The following COX10 variants were observed in gnomAD, a reference collection of about 807,000 sequenced individuals.
The protein encoded by COX10 is protoheme IX farnesyltransferase, mitochondrial.
A neutral mutation model predicts 37.3 loss-of-function variants in COX10; 27 were observed. That is an observed-to-expected ratio of 0.72 (90% CI 0.53 to 1.00). The LOEUF is 1.00. COX10 is among the 50% of genes least tolerant of loss of function. The probability of loss-of-function intolerance (pLI) is 0.00; values close to 1 mark genes in which losing one functional copy is unlikely to be tolerated. For synonymous variants in COX10, 222 were observed against 229.1 expected, an observed-to-expected ratio of 0.97 and a Z score of 0.28; for missense variants, 475 against 563.2, an observed-to-expected ratio of 0.84 and a Z score of 1.59.
intron 4 of COX10, among the ~76,000 whole-genome samples, chr17:14,138,382 T>C (rs2142223999): frequency 6.6e-6 from 1 of 152,336 alleles, no homozygotes; most frequent in African/African-American, 2.4e-5. Context: ...TCTGGTACAT[T>C]ATAAGCAATT....
chr17:14,124,438 C>G (rs1916292498), intron 4 of COX10, among the ~76,000 whole-genome samples: 1 of 152,114 alleles, frequency 6.6e-6, no homozygotes, highest in Non-Finnish European at 1.5e-5. Context: ...ATCAAATTCT[C>G]TAGGACAACT....
chr17:14,202,484 A>G (rs755905998), intron 6 of COX10, among the ~76,000 whole-genome samples: 1 of 152,136 alleles, frequency 6.6e-6, no homozygotes, highest in African/African-American at 2.4e-5. Flanking sequence ...GCTGAATATC[A>G]TCAGGCAAAT....
At chr17:14,089,979 G>C (rs1355445457) in intron 3 of COX10, among the ~76,000 whole-genome samples, 1 of 152,028 alleles carries the variant, frequency 6.6e-6, no homozygotes, top group Non-Finnish European at 1.5e-5. Flanking sequence ...GGAGACCTCT[G>C]CAACTTACAG....
intron 3 of COX10, among the ~76,000 whole-genome samples, chr17:14,087,881 C>T (rs778733631): frequency 1.3e-5 from 2 of 151,976 alleles, no homozygotes; most frequent in Non-Finnish European, 2.9e-5. Context: ...GGGTGGCTTG[C>T]TACACTGTGT....
chr17:14,131,267 G>A (rs920583482), intron 4 of COX10, among the ~76,000 whole-genome samples: 1 of 151,982 alleles, frequency 6.6e-6, no homozygotes, highest in African/African-American at 2.4e-5. Context: ...AAATATATTT[G>A]GATGCATTCA....
At chr17:14,080,352 C>G (rs1915263844) in intron 3 of COX10, among the ~76,000 whole-genome samples, 1 of 151,500 alleles carries the variant, frequency 6.6e-6, no homozygotes, top group South Asian at 2.1e-4. Flanking sequence ...TAGCTGGGAC[C>G]ACAGGCACCT....
intron 5 of COX10, chr17:14,179,246 A>G (rs933706266): frequency 1.3e-5 from 13 of 982,294 alleles, no homozygotes; most frequent in Non-Finnish European, 1.6e-5. Flanking sequence ...ACCATCTCTT[A>G]TCAAACCTGA....
At chr17:14,166,454 T>C (rs1052833751) in intron 5 of COX10, among the ~76,000 whole-genome samples, 1 of 152,194 alleles carries the variant, frequency 6.6e-6, no homozygotes, top group African/African-American at 2.4e-5. Context: ...TGAAACCTGT[T>C]GCTCAGAGGA....
At chr17:14,071,761 G>A (rs940002189) in intron 1 of COX10, among the ~76,000 whole-genome samples, 5 of 149,320 alleles carry the variant, frequency 3.3e-5, no homozygotes, top group South Asian at 4.3e-4. Flanking sequence ...TTAGCCAAGC[G>A]CAATGGTGTG....
chr17:14,166,353 T>C (rs1330239351), intron 5 of COX10, among the ~76,000 whole-genome samples: 1 of 152,162 alleles, frequency 6.6e-6, no homozygotes, highest in Non-Finnish European at 1.5e-5. Context: ...TCTTAAGAAT[T>C]ACACTAAATC....
intron 3 of COX10, among the ~76,000 whole-genome samples, chr17:14,097,250 C>T (rs1349048778): frequency 1.3e-5 from 2 of 151,806 alleles, no homozygotes; most frequent in African/African-American, 4.8e-5. Flanking sequence ...TTTATCCGTC[C>T]TCACTGCCTT....
intron 2 of COX10, among the ~76,000 whole-genome samples, chr17:14,076,292 C>G (rs966549910): frequency 6.6e-6 from 1 of 151,686 alleles, no homozygotes; most frequent in African/African-American, 2.4e-5. Context: ...TTTGTAGAGA[C>G]ATTCCCTATG....
intron 5 of COX10, among the ~76,000 whole-genome samples, chr17:14,165,979 G>T (rs1440166007): frequency 6.6e-6 from 1 of 152,240 alleles, no homozygotes; most frequent in Non-Finnish European, 1.5e-5. Flanking sequence ...TGAGGAAACT[G>T]CAGAAGAAAA....
At chr17:14,123,146 C>T (rs1023803689) in intron 4 of COX10, among the ~76,000 whole-genome samples, 2 of 152,180 alleles carry the variant, frequency 1.3e-5, no homozygotes, top group African/African-American at 4.8e-5. Context: ...ACAGGTTTCA[C>T]CACATGAGTA....
chr17:14,205,012 C>T (rs562505407), intron 6 of COX10, among the ~76,000 whole-genome samples: 203 of 152,242 alleles, frequency 1.3e-3, no homozygotes, highest in African/African-American at 4.8e-3. Context: ...GAGGCTGAGG[C>T]AGGAGGATGA....
At chr17:14,203,903 G>A (rs1270268906) in intron 6 of COX10, among the ~76,000 whole-genome samples, 1 of 152,026 alleles carries the variant, frequency 6.6e-6, no homozygotes, top group Non-Finnish European at 1.5e-5. Flanking sequence ...TGCTTTCCAG[G>A]GCAGATGACA....
chr17:14,198,043 G>C lies in COX10; in HGVS notation c.928+5822G>C, dbSNP rs551362866. Among the ~76,000 whole-genome samples the C allele has an allele frequency of 2.0e-5, 3 of 152,144 alleles. No homozygotes were observed. The East Asian group carries it at 5.8e-4, about 29-fold the overall frequency. On this transcript the variant is annotated intron_variant, in intron 6 of 6. Coordinates refer to ENST00000261643, the MANE Select transcript of COX10 (RefSeq NM_001303.4). ...CAAAAACCATTAAAAATGCTTCCTAGCTAAGATTCAGGAAAGGCAGAATGA... is the reference window on the plus strand; with the variant it reads ...CAAAAACCATTAAAAATGCTTCCTACCTAAGATTCAGGAAAGGCAGAATGA...
At chr17:14,206,773 G>A in intron 6 of COX10, 37 bp from the exon 7 acceptor site, 1 of 1,612,632 alleles carries the variant, frequency 6.2e-7, no homozygotes, top group East Asian at 2.2e-5. Context: ...GGTGATGACT[G>A]CCTTTGTCTC....
At chr17:14,195,291 G>T (rs1906335705) in intron 6 of COX10, among the ~76,000 whole-genome samples, 1 of 152,172 alleles carries the variant, frequency 6.6e-6, no homozygotes, top group South Asian at 2.1e-4. Context: ...TTTTTAAACA[G>T]ATTTTTATTG....
Sources: gnomAD v4.1 joint callset for allele counts (sites outside exome capture counted in the v4.1 genomes callset) on GRCh38, gnomAD v4.1.1 for gene constraint, MANE v1.5 for transcripts, NCBI Gene and HGNC (gene_info 2026-07-23, HGNC 2026-07-21) for gene names.